Variants in EXOC6B observed in about 807,000 individuals in gnomAD.
EXOC6B encodes the protein SEC15 homolog B.
Under a neutral mutation model 113.5 loss-of-function variants are expected in EXOC6B, and 54 were observed. The observed-to-expected ratio is 0.48, with a 90% CI of 0.38 to 0.60. The LOEUF (loss-of-function observed/expected upper bound fraction) is 0.60. Among genes scored for constraint, EXOC6B ranks in the 20% least tolerant of loss-of-function variants. The pLI is 0.00. For missense variants in EXOC6B, 797 were observed against 977.5 expected, an observed-to-expected ratio of 0.82 and a Z score of 2.46; for synonymous variants, 357 against 339.0, an observed-to-expected ratio of 1.05 and a Z score of -0.58.
chr2:72,405,122 A>C (rs904299403), intron 18 of EXOC6B, among the ~76,000 whole-genome samples: 1 of 152,220 alleles, frequency 6.6e-6, no homozygotes, highest in Admixed American at 6.5e-5. Flanking sequence ...GGAAGATGAA[A>C]TGAATGAAAT....
At chr2:72,746,067 G>A (rs1478733038) in intron 1 of EXOC6B, among the ~76,000 whole-genome samples, 1 of 151,998 alleles carries the variant, frequency 6.6e-6, no homozygotes, top group Non-Finnish European at 1.5e-5. Flanking sequence ...ATACCTGTTG[G>A]TCAGAGACTT....
chr2:72,764,169 C>A (rs949415890), intron 1 of EXOC6B, among the ~76,000 whole-genome samples: 1 of 151,988 alleles, frequency 6.6e-6, no homozygotes, highest in Non-Finnish European at 1.5e-5. Context: ...TATAATTGAT[C>A]AAAAATTACC....
intron 2 of EXOC6B, among the ~76,000 whole-genome samples, chr2:72,736,771 T>G (rs932912722): frequency 2.0e-5 from 3 of 152,082 alleles, no homozygotes; most frequent in African/African-American, 4.8e-5. Context: ...AGACAAAACA[T>G]TGTGCTGACT....
At chr2:72,737,910 C>T (rs1681067067) in intron 2 of EXOC6B, among the ~76,000 whole-genome samples, 1 of 151,940 alleles carries the variant, frequency 6.6e-6, no homozygotes, top group Non-Finnish European at 1.5e-5. Flanking sequence ...AATGATGAAA[C>T]ATTTTAGAAT....
intron 19 of EXOC6B, 139 bp from the exon 20 acceptor site, chr2:72,335,159 A>G (rs896879049): frequency 5.7e-6 from 4 of 702,158 alleles, no homozygotes; most frequent in African/African-American, 3.6e-5. Context: ...CTCTCCCTTC[A>G]GCTTCTTTGT....
At chr2:72,614,516 C>A (rs957401165) in intron 6 of EXOC6B, among the ~76,000 whole-genome samples, 1 of 152,110 alleles carries the variant, frequency 6.6e-6, no homozygotes, top group African/African-American at 2.4e-5. Context: ...GACGCTAATA[C>A]AAATTTTCTC....
chr2:72,304,225 T>G (rs1313302082), intron 20 of EXOC6B, among the ~76,000 whole-genome samples: 1 of 152,350 alleles, frequency 6.6e-6, no homozygotes, highest in East Asian at 1.9e-4. Flanking sequence ...TTAATGGATA[T>G]TTAAATTTAT....
At chr2:72,313,325 T>C (rs764016851) in intron 20 of EXOC6B, among the ~76,000 whole-genome samples, 3 of 152,126 alleles carry the variant, frequency 2.0e-5, no homozygotes, top group Non-Finnish European at 4.4e-5. Context: ...TGACACATGT[T>C]TACCCATCTG....
intron 20 of EXOC6B, among the ~76,000 whole-genome samples, chr2:72,280,046 T>C (rs867432148): frequency 2.0e-5 from 3 of 152,224 alleles, no homozygotes; most frequent in Non-Finnish European, 4.4e-5. Context: ...GAAATGCTTC[T>C]TAAAAATACA....
intron 6 of EXOC6B, among the ~76,000 whole-genome samples, chr2:72,689,570 TA>T (rs1174848292): frequency 6.6e-6 from 1 of 152,168 alleles, no homozygotes; most frequent in Non-Finnish European, 1.5e-5. Flanking sequence ...GAAGTGAGGT[TA>T]GGGGTGAAGA....
chr2:72,559,015 T>C (rs1703737119), intron 8 of EXOC6B, among the ~76,000 whole-genome samples: 1 of 152,174 alleles, frequency 6.6e-6, no homozygotes, highest in Non-Finnish European at 1.5e-5. Flanking sequence ...AAGGGATCAT[T>C]TCTTAGAATA....
chr2:72,472,386 C>T (rs1024589048), intron 17 of EXOC6B, among the ~76,000 whole-genome samples: 3 of 152,000 alleles, frequency 2.0e-5, no homozygotes, highest in Non-Finnish European at 2.9e-5. Flanking sequence ...AATCACTGCC[C>T]GTTATTGGTC....
intron 7 of EXOC6B, among the ~76,000 whole-genome samples, chr2:72,559,972 A>C (rs749821937): frequency 6.6e-6 from 1 of 152,244 alleles, no homozygotes; most frequent in Non-Finnish European, 1.5e-5. Flanking sequence ...CTGCCAGCCA[A>C]CTTCTGAAGA....
chr2:72,559,460 G>A lies in EXOC6B; in HGVS notation c.908C>T (p.Ser303Phe). Residue 303 changes from serine to phenylalanine, a missense_variant, in exon 8 of 22, where the codon TCT (serine) becomes TTT (phenylalanine). Coordinates refer to ENST00000272427, the MANE Select transcript of EXOC6B (RefSeq NM_015189.3). ...SPVYRCLHIY[S>F]VLGARETFEN... Reference sequence around the variant, plus strand: ...AGCCAGATAAAGACTCACCAGGACAGAATATATATGTAGACATCGATAAAC... The same window carrying A: ...AGCCAGATAAAGACTCACCAGGACAAAATATATATGTAGACATCGATAAAC... 6.2e-7 allele frequency: 1 copy of A among 1,609,266 alleles called. No homozygotes were observed. The highest frequency in any genetic ancestry group is 8.5e-7 in the Non-Finnish European group (1 of 1,177,864).
chr2:72,661,174 T>C (rs921610998), intron 6 of EXOC6B, among the ~76,000 whole-genome samples: 4 of 151,996 alleles, frequency 2.6e-5, no homozygotes, highest in African/African-American at 7.3e-5. Flanking sequence ...AGAGTTTACC[T>C]TGGGATGAAG....
chr2:72,295,229 CAA>C (rs547104239), intron 20 of EXOC6B, among the ~76,000 whole-genome samples: 22,608 of 78,396 alleles, frequency 0.29, 3,207 homozygotes, highest in African/African-American at 0.51. Context: ...GACTCCATCT[CAA>C]AAAAAAAAAA....
intron 20 of EXOC6B, among the ~76,000 whole-genome samples, chr2:72,327,473 G>A (rs1445617594): frequency 6.6e-6 from 1 of 152,058 alleles, no homozygotes; most frequent in Non-Finnish European, 1.5e-5. Context: ...TTAGACCCCT[G>A]AGGTGCTAAA....
chr2:72,457,862 T>C (rs1238950002), intron 18 of EXOC6B, among the ~76,000 whole-genome samples: 1 of 152,084 alleles, frequency 6.6e-6, no homozygotes, highest in East Asian at 1.9e-4. Context: ...AAAAAACAGT[T>C]GCAAAATTAA....
Position 72,409,922 on chromosome 2 carries a change from T to G in EXOC6B, c.1981-30052A>C, listed in dbSNP as rs893492585. ...AAAACTTAAAAATATAGACATGTTC[T>G]GCTCCCTTTGGAACTAATAACAGGG... On this transcript the variant is annotated intron_variant, in intron 18 of 21. Coordinates refer to ENST00000272427, the MANE Select transcript of EXOC6B (RefSeq NM_015189.3). Among the ~76,000 whole-genome samples, 11 of 152,252 alleles carry G rather than the reference T, an allele frequency of 7.2e-5. 1 individual carries two copies. Among genetic ancestry groups the G allele is most frequent in the African/African-American group, 2.6e-4 (11 of 41,558 alleles).
Sources: gnomAD v4.1 joint callset for allele counts (sites outside exome capture counted in the v4.1 genomes callset) on GRCh38, gnomAD v4.1.1 for gene constraint, MANE v1.5 for transcripts, NCBI Gene and HGNC (gene_info 2026-07-23, HGNC 2026-07-21) for gene names.